Variants in SHANK2 observed in about 807,000 individuals in gnomAD.
SHANK2 encodes the protein SH3 and multiple ankyrin repeat domains 2.
In SHANK2, 43 loss-of-function variants were observed where a neutral mutation model predicts 133.7. The observed-to-expected ratio is 0.32, with a 90% CI of 0.25 to 0.41. The LOEUF is 0.41. Among genes scored for constraint, SHANK2 ranks in the 10% least tolerant of loss-of-function variants. The pLI is 1.00. For missense variants in SHANK2, 1,994 were observed against 2,235.8 expected (o/e 0.89, Z 2.18); for synonymous variants, 1,017 against 952.8 (o/e 1.07, Z -1.24).
intron 5 of SHANK2, among the ~76,000 whole-genome samples, chr11:71,110,815 G>A (rs1360707058): frequency 3.9e-5 from 6 of 152,188 alleles, no homozygotes; most frequent in African/African-American, 9.7e-5. Context: ...CTAGTGCTAC[G>A]GACTTAACGT....
At chr11:71,179,489 CCA>C (rs1259721114) in intron 2 of SHANK2, among the ~76,000 whole-genome samples, 11 of 152,152 alleles carry the variant, frequency 7.2e-5, no homozygotes, top group African/African-American at 2.4e-4. Context: ...TCTGAAAAAC[CCA>C]CAGTGTCCAC....
intron 22 of SHANK2, among the ~76,000 whole-genome samples, chr11:70,490,725 G>A (rs1464043163): frequency 6.6e-6 from 1 of 152,254 alleles, no homozygotes; most frequent in Non-Finnish European, 1.5e-5. Context: ...CAGGCTGGAT[G>A]TCCTGTGGGA....
intron 14 of SHANK2, among the ~76,000 whole-genome samples, chr11:70,720,811 A>G (rs1469800333): frequency 6.6e-6 from 1 of 152,236 alleles, no homozygotes; most frequent in Admixed American, 6.5e-5. Context: ...GCACATATAT[A>G]CACACATGCT....
chr11:70,759,393 A>C (rs1415758950), intron 14 of SHANK2, among the ~76,000 whole-genome samples: 2 of 151,486 alleles, frequency 1.3e-5, no homozygotes. Context: ...GCTGAGGCAG[A>C]GTTGCTAGAA....
chr11:71,133,551 C>T (rs1225813377), intron 3 of SHANK2, among the ~76,000 whole-genome samples: 33 of 142,154 alleles, frequency 2.3e-4, no homozygotes, highest in Non-Finnish European at 3.3e-4. Context: ...GATAGATAGA[C>T]GGATGAGTGA....
At chr11:70,825,040 C>G (rs1169180108) in intron 11 of SHANK2, among the ~76,000 whole-genome samples, 1 of 152,096 alleles carries the variant, frequency 6.6e-6, no homozygotes, top group Non-Finnish European at 1.5e-5. Context: ...TCACAGGGCC[C>G]CCAGTCACGG....
intron 14 of SHANK2, among the ~76,000 whole-genome samples, chr11:70,793,575 C>T (rs1238235306): frequency 1.3e-5 from 2 of 152,132 alleles, no homozygotes; most frequent in African/African-American, 4.8e-5. Context: ...AATGAGCACA[C>T]AAAGAGATGC....
At position 71,208,324 on chromosome 11, in the gene SHANK2, G is replaced by T. The variant is rs534614614; in HGVS notation, c.-13+16373C>A. ...AAGTGTCAGGGGAGATGGGGAAGTT[G>T]GGGGGAGAAGGGACACGCACCAGAG... On this transcript the variant is annotated intron_variant, in intron 2 of 25. Coordinates refer to ENST00000601538, the MANE Select transcript of SHANK2 (RefSeq NM_012309.5). 3.9e-5 allele frequency among the ~76,000 whole-genome samples: 6 copies of T among 152,186 alleles called. No individual in the cohort carries two copies. The East Asian group carries it at 9.7e-4, about 25-fold the overall frequency.
intron 11 of SHANK2, among the ~76,000 whole-genome samples, chr11:70,889,830 T>C (rs1429921717): frequency 6.6e-6 from 1 of 152,092 alleles, no homozygotes; most frequent in Non-Finnish European, 1.5e-5. Flanking sequence ...TAGGGGCGGA[T>C]GCCAGCAACA....
At chr11:70,706,761 G>A (rs1184481181) in intron 14 of SHANK2, among the ~76,000 whole-genome samples, 1 of 151,738 alleles carries the variant, frequency 6.6e-6, no homozygotes, top group Non-Finnish European at 1.5e-5. Context: ...AAAAAAAAAG[G>A]CCAAACCTAG....
chr11:70,704,362 G>A lies in SHANK2; in HGVS notation c.1778-5599C>T, dbSNP rs1011277456. 7.9e-5 allele frequency among the ~76,000 whole-genome samples: 12 copies of A among 152,362 alleles called. No individual in the cohort carries two copies. The South Asian group carries it at 1.7e-3, about 21-fold the overall frequency. ...TGCACTGCGTGGCTAAGAAACTGCCGTGGCTACATAGCTTCTCTGGGGACA... is the reference window on the plus strand; with the variant it reads ...TGCACTGCGTGGCTAAGAAACTGCCATGGCTACATAGCTTCTCTGGGGACA... On this transcript the variant is annotated intron_variant, in intron 14 of 25. Coordinates refer to ENST00000601538, the MANE Select transcript of SHANK2 (RefSeq NM_012309.5).
intron 17 of SHANK2, among the ~76,000 whole-genome samples, chr11:70,648,063 G>A (rs1189847722): frequency 1.3e-5 from 2 of 152,236 alleles, no homozygotes; most frequent in African/African-American, 2.4e-5. Context: ...ATGGTGGAAC[G>A]TTATTCACCC....
intron 2 of SHANK2, among the ~76,000 whole-genome samples, chr11:71,176,221 A>C (rs545935108): frequency 4.9e-4 from 74 of 152,324 alleles, no homozygotes; most frequent in African/African-American, 1.7e-3. Context: ...AAAAGGATCA[A>C]GCTGTTTCTA....
In SHANK2 at chr11:70,500,741, C is replaced by T. The variant is rs782430852; in HGVS notation, c.2288-151G>A. The T allele has an allele frequency of 7.7e-5, 77 of 1,003,298 alleles. No homozygotes were observed. Among genetic ancestry groups the T allele is most frequent in the Non-Finnish European group, 4.6e-6 (3 of 646,522 alleles). The allele number at this position is 1,003,298 out of a possible 1,614,324, so 62.1% of individuals were successfully genotyped here. On this transcript the variant is annotated intron_variant, in intron 20 of 25. Transcript: ENST00000601538. The surrounding 1 kb of genome is among the most constrained non-coding windows in gnomAD (Gnocchi z 4.5). ...GGGGCTGTCTGGAACGCTGCGAACG[C>T]AGGCTGCGCTATCCATGGAGTGGCT... is the stretch of plus-strand genomic sequence containing the variant.
chr11:70,595,306 A>C (rs12418394), intron 17 of SHANK2, among the ~76,000 whole-genome samples: 39,707 of 152,160 alleles, frequency 0.26, 5,468 homozygotes, highest in Admixed American at 0.38. Context: ...CCACCCTCCA[A>C]GCGCCCCCTC....
At chr11:70,952,237 G>T (rs1307525902) in intron 10 of SHANK2, among the ~76,000 whole-genome samples, 6 of 152,192 alleles carry the variant, frequency 3.9e-5, no homozygotes, top group African/African-American at 1.4e-4. Context: ...TCCTTGGGGC[G>T]TCTCTCCTGG....
intron 17 of SHANK2, among the ~76,000 whole-genome samples, chr11:70,610,096 C>T (rs945673391): frequency 4.8e-5 from 7 of 144,580 alleles, no homozygotes; most frequent in South Asian, 4.4e-4. Flanking sequence ...CCTTTTGGGG[C>T]GGTTAACTAG....
chr11:70,939,195 T>G (rs1950611150), intron 10 of SHANK2, among the ~76,000 whole-genome samples: 1 of 152,160 alleles, frequency 6.6e-6, no homozygotes, highest in African/African-American at 2.4e-5. Flanking sequence ...CAAGATCTCG[T>G]GCACTTACGT....
At chr11:71,206,803 T>C (rs1954135502) in intron 2 of SHANK2, among the ~76,000 whole-genome samples, 1 of 152,136 alleles carries the variant, frequency 6.6e-6, no homozygotes, top group Non-Finnish European at 1.5e-5. Flanking sequence ...TAGATGGACA[T>C]GGTGGCACAT....
Sources: allele counts gnomAD v4.1 joint callset (sites outside exome capture counted in the v4.1 genomes callset), GRCh38; gene constraint gnomAD v4.1.1; non-coding constraint Gnocchi (gnomAD v3.1); transcripts MANE v1.5; gene names NCBI Gene and HGNC (gene_info 2026-07-23, HGNC 2026-07-21).